The following SFI1 variants were observed in gnomAD, a reference collection of about 807,000 sequenced individuals.
SFI1 encodes the protein SFI1 centrin binding protein, also known as protein SFI1 homolog.
In SFI1, 195 loss-of-function variants were observed where a neutral mutation model predicts 207.5. The ratio of observed to expected loss-of-function variants is 0.94; its 90% CI spans 0.84 to 1.06. The LOEUF is 1.06. Ranked by LOEUF, SFI1 falls within the 50% of genes least tolerant of loss-of-function variation. The pLI, the probability that SFI1 is intolerant of heterozygous loss-of-function variation, is 0.00. For synonymous variants in SFI1, 630 were observed against 598.9 expected (o/e 1.05, Z -0.76); for missense variants, 1,634 against 1,588.0 (o/e 1.03, Z -0.49).
intron 2 of SFI1, among the ~76,000 whole-genome samples, chr22:31,512,035 TA>T (rs1245885149): frequency 2.0e-5 from 3 of 152,110 alleles, no homozygotes; most frequent in Non-Finnish European, 1.5e-5. Context: ...AATGTAACCA[TA>T]ACACAGGTAA....
rs1202180331 is a variant in SFI1, at chr22:31,618,231, G to A, written c.3624+5G>A. 5 of 1,595,278 alleles carry A rather than the reference G, an allele frequency of 3.1e-6. No individual in the cohort carries two copies. In the African/African-American group the frequency reaches 5.3e-5, roughly 17 times the overall value. ...GTGCAGAAAGAGCTGGAACAGGTGA[G>A]GCCCCAGGCCATCCCCAGGTGTCCC... is the stretch of plus-strand genomic sequence containing the variant. On this transcript the variant is annotated splice_donor_5th_base_variant and intron_variant, in intron 32 of 32. Transcript: ENST00000400288.
At chr22:31,508,480 C>A in intron 2 of SFI1, 104 bp downstream of exon 2, 1 of 771,338 alleles carries the variant, frequency 1.3e-6, no homozygotes, top group Non-Finnish European at 2.1e-6. Flanking sequence ...GAGGTAGTAA[C>A]TGTGGGTAAG....
intron 11 of SFI1, among the ~76,000 whole-genome samples, chr22:31,579,302 C>G (rs2063832295): frequency 6.6e-6 from 1 of 151,752 alleles, no homozygotes; most frequent in South Asian, 2.1e-4. Context: ...TGCCACCATG[C>G]CCAACTAATT....
chr22:31,584,133 GT>G, intron 13 of SFI1, among the ~76,000 whole-genome samples, 161 bp downstream of exon 13: 1 of 152,138 alleles, frequency 6.6e-6, no homozygotes, highest in Non-Finnish European at 1.5e-5. Context: ...CTGACTTTGG[GT>G]TTTTGGCTGA....
intron 15 of SFI1, among the ~76,000 whole-genome samples, chr22:31,593,325 G>C (rs1461430763): frequency 1.5e-5 from 2 of 137,682 alleles, no homozygotes; most frequent in South Asian, 2.4e-4. Context: ...ACGGGGTCTC[G>C]GCCGGGCAGA....
intron 8 of SFI1, among the ~76,000 whole-genome samples, chr22:31,570,858 C>T (rs1276034832): frequency 6.6e-6 from 1 of 152,188 alleles, no homozygotes; most frequent in Non-Finnish European, 1.5e-5. Context: ...AGGAACAAAG[C>T]AGGGACACAT....
Position 31,618,146 on chromosome 22 carries a change from A to G in SFI1, c.3544A>G (p.Arg1182Gly), listed in dbSNP as rs991014514. The change falls in exon 32 of 33, where the codon AGG becomes GGG. Residue 1182 changes from arginine (R) to glycine (G), a missense_variant. Coordinates refer to ENST00000400288, the MANE Select transcript of SFI1 (RefSeq NM_001007467.3). ...TCGGCGGCAAGCGAGCAGCCTGCGC[A>G]GGTGGCTGGAGCTGAACAGAGAGGA... ...SCRRQASSLR[R>G]WLELNREEPG... 1.3e-6 allele frequency: 2 copies of G among 1,586,900 alleles called. No homozygotes were observed. Among genetic ancestry groups the G allele is most frequent in the East Asian group, 2.3e-5 (1 of 44,008 alleles).
intron 1 of SFI1, among the ~76,000 whole-genome samples, chr22:31,499,861 G>T (rs5994402): frequency 2.1e-4 from 32 of 151,344 alleles, no homozygotes; most frequent in African/African-American, 6.8e-4. Context: ...GGTGGTATGC[G>T]CCTGTAGTCC....
Position 31,613,752 on chromosome 22 carries a change from G to C in SFI1, c.2893G>C (p.Ala965Pro), listed in dbSNP as rs375568336. The C allele has an allele frequency of 1.2e-6, 2 of 1,612,946 alleles. No individual in the cohort carries two copies. Among genetic ancestry groups the C allele is most frequent in the Admixed American group, 3.3e-5 (2 of 59,950 alleles). ...GGGTCCCCTTCTCAACCGCATTGCT[G>C]CTGGGGCTGGGGATGGCACCCTTGA... Reference protein sequence around the residue: ...FEGPLLNRIAAGAGDGTLETK... With the variant: ...FEGPLLNRIAPGAGDGTLETK... Residue 965 changes from alanine to proline, a missense_variant, in exon 27 of 33, where the codon GCT becomes CCT. By Grantham distance (27) the Ala-to-Pro change is conservative. Transcript: ENST00000400288.
chr22:31,518,636 A>G (rs1201445591), intron 2 of SFI1, among the ~76,000 whole-genome samples: 1 of 152,068 alleles, frequency 6.6e-6, no homozygotes, highest in Non-Finnish European at 1.5e-5. Flanking sequence ...TGCTGTTCTT[A>G]GAAAATAACT....
chr22:31,532,153 C>T (rs1253779751), intron 4 of SFI1, among the ~76,000 whole-genome samples: 1 of 152,042 alleles, frequency 6.6e-6, no homozygotes, highest in African/African-American at 2.4e-5. Flanking sequence ...AAGTGTTTGC[C>T]CAAGAGAAGT....
chr22:31,566,039 A>G (rs1459270960), intron 8 of SFI1, among the ~76,000 whole-genome samples: 3 of 151,776 alleles, frequency 2.0e-5, no homozygotes, highest in Non-Finnish European at 4.4e-5. Flanking sequence ...GGCACCATTT[A>G]TCTGCTTACT....
chr22:31,531,459 T>G (rs905722356), intron 4 of SFI1, among the ~76,000 whole-genome samples: 2 of 152,010 alleles, frequency 1.3e-5, no homozygotes, highest in African/African-American at 4.8e-5. Context: ...AACAAGCAAG[T>G]GACCAAATGA....
chr22:31,615,114 C>A lies in SFI1; in HGVS notation c.3135C>A (p.Pro1045=). ...AQPAAPSLTR[P]FLAEAPTALV... is the part of the protein sequence containing the mutation. ...CAGCAGCCCCCTCCCTGACGCGGCC[C>A]TTCCTGGCAGAGGCCCCGACAGCAC... Residue 1045 remains proline, a synonymous_variant, in exon 29 of 33, where the codon CCC becomes CCA. Coordinates refer to ENST00000400288, the MANE Select transcript of SFI1 (RefSeq NM_001007467.3). The A allele has an allele frequency of 6.2e-7, 1 of 1,607,932 alleles. No individual in the cohort carries two copies. The highest frequency in any genetic ancestry group is 1.1e-5 in the South Asian group (1 of 90,584).
At chr22:31,560,673 G>C (rs997788818) in intron 7 of SFI1, among the ~76,000 whole-genome samples, 17 of 148,632 alleles carry the variant, frequency 1.1e-4, no homozygotes, top group African/African-American at 4.0e-4. Context: ...AAAGTGCTAG[G>C]ATTACAGGCG....
At chr22:31,536,504 T>C (rs2059007144) in intron 4 of SFI1, among the ~76,000 whole-genome samples, 1 of 152,202 alleles carries the variant, frequency 6.6e-6, no homozygotes, top group Non-Finnish European at 1.5e-5. Flanking sequence ...CGCCACCTTC[T>C]GGGCTCAAGC....
chr22:31,548,701 C>T (rs901512463), intron 5 of SFI1, among the ~76,000 whole-genome samples: 1 of 150,522 alleles, frequency 6.6e-6, no homozygotes, highest in Non-Finnish European at 1.5e-5. Flanking sequence ...CCCAGCCACT[C>T]GGGAGGCTGA....
chr22:31,538,202 A>G (rs1569247719), intron 4 of SFI1: 1 of 150,000 alleles, frequency 6.7e-6, no homozygotes, highest in South Asian at 2.1e-4. Flanking sequence ...ACCTCAGATG[A>G]TCCACCCACC....
chr22:31,591,799 G>A (rs1255795417), intron 15 of SFI1, among the ~76,000 whole-genome samples: 11 of 71,082 alleles, frequency 1.5e-4, no homozygotes, highest in East Asian at 6.2e-4. Flanking sequence ...CCTCCCTCCC[G>A]GACGGGGCGG....
Sources: allele counts gnomAD v4.1 joint callset (sites outside exome capture counted in the v4.1 genomes callset), GRCh38; gene constraint gnomAD v4.1.1; transcripts MANE v1.5; gene names NCBI Gene and HGNC (gene_info 2026-07-23, HGNC 2026-07-21).